DCDC1: variants seen among roughly 807,000 people sequenced by gnomAD.
DCDC1 encodes doublecortin domain-containing protein 1.
A neutral mutation model predicts 178.3 loss-of-function variants in DCDC1; 200 were observed. The observed-to-expected ratio is 1.12, with a 90% CI of 1.00 to 1.26. The LOEUF (loss-of-function observed/expected upper bound fraction) is 1.26, where lower values mean the gene tolerates loss of function less well. Ranked by LOEUF, DCDC1 falls within the 50% of genes most tolerant of loss-of-function variation. DCDC1 has a pLI of 0.00. For synonymous variants in DCDC1, 690 were observed against 604.8 expected (o/e 1.14, Z -2.07); for missense variants, 1,983 against 1,749.2 (o/e 1.13, Z -2.38).
rs772860080 is a variant in DCDC1, at chr11:31,064,494, T to A, written c.2566A>T (p.Lys856Ter). Reference sequence around the variant, plus strand: ...CTCTGAGCAGAAGCCTTAGGATGTTTCTCTTCCAGTTTCCTCACCAGTGCT... The same window carrying A: ...CTCTGAGCAGAAGCCTTAGGATGTTACTCTTCCAGTTTCCTCACCAGTGCT... ...TVALVRKLEEKHPKASAQRWA... is the reference protein window; with the variant it reads ...TVALVRKLEE The change falls in exon 20 of 39, where the codon AAA (lysine) becomes TAA (stop). Residue 856 changes from lysine to a stop codon, truncating the protein, a stop_gained. Coordinates refer to ENST00000684477, the MANE Select transcript of DCDC1 (RefSeq NM_001387274.1). LOFTEE classifies it high-confidence loss of function. 1.3e-6 allele frequency: 1 copy of A among 765,806 alleles called. No homozygotes were observed. The highest frequency in any genetic ancestry group is 1.3e-5 in the South Asian group (1 of 74,592). 47.4% of individuals were successfully genotyped at this position (765,806 alleles called of 1,614,324 possible). A position where few individuals can be genotyped will look rare whatever the true frequency, so the allele number is the denominator to read the frequency against.
At chr11:30,941,141 AC>A (rs1443952158) in intron 21 of DCDC1, among the ~76,000 whole-genome samples, 4 of 151,922 alleles carry the variant, frequency 2.6e-5, no homozygotes. Context: ...ACTTTTCATC[AC>A]CTCCATTCCT....
chr11:30,917,016 T>TA lies in DCDC1; in HGVS notation c.3305dup (p.Arg1103LysfsTer23), dbSNP rs1457988018. 6.9e-6 allele frequency: 11 copies of TA among 1,600,472 alleles called. No individual in the cohort carries two copies. Among genetic ancestry groups the TA allele is most frequent in the Non-Finnish European group, 9.4e-6 (11 of 1,175,334 alleles). ...AAGCCTTCATTCGAAGATGAGCTCT[T>TA]ACGTGTGAATCTCTATCAAGGTTCA... On this transcript the variant is annotated frameshift_variant, in exon 26 of 39. Transcript: ENST00000684477. LOFTEE classifies it high-confidence loss of function.
chr11:30,925,455 A>G (rs1166660395), intron 22 of DCDC1, 47 bp from the exon 23 acceptor site: 4 of 1,518,470 alleles, frequency 2.6e-6, no homozygotes, highest in Non-Finnish European at 3.6e-6. Context: ...GAAAGCTTCC[A>G]GCAGCAAAGA....
chr11:31,034,252 A>G (rs1404903887), intron 20 of DCDC1, among the ~76,000 whole-genome samples: 1 of 151,838 alleles, frequency 6.6e-6, no homozygotes, highest in Non-Finnish European at 1.5e-5. Flanking sequence ...TAAACTGAGA[A>G]TTATTATAAA....
At chr11:30,963,533 G>A (rs1288542467) in intron 20 of DCDC1, among the ~76,000 whole-genome samples, 1 of 152,014 alleles carries the variant, frequency 6.6e-6, no homozygotes, top group Non-Finnish European at 1.5e-5. Context: ...TGGATATGAT[G>A]GGCACCACTC....
intron 7 of DCDC1, among the ~76,000 whole-genome samples, chr11:31,279,406 A>G (rs1357544111): frequency 1.3e-5 from 2 of 152,166 alleles, no homozygotes; most frequent in African/African-American, 2.4e-5. Context: ...TAGATTGTAA[A>G]GAGTTCAAGA....
chr11:31,108,273 C>T (rs1958983057), intron 12 of DCDC1, among the ~76,000 whole-genome samples: 1 of 152,092 alleles, frequency 6.6e-6, no homozygotes, highest in African/African-American at 2.4e-5. Flanking sequence ...TAGCCAATTC[C>T]TTTGAATTAA....
At chr11:30,932,935 A>G (rs1469331723) in intron 21 of DCDC1, among the ~76,000 whole-genome samples, 1 of 151,980 alleles carries the variant, frequency 6.6e-6, no homozygotes, top group Non-Finnish European at 1.5e-5. Flanking sequence ...AGAAGAGTAA[A>G]TGCAGGAAGG....
At chr11:31,168,807 T>C (rs1234655110) in intron 9 of DCDC1, among the ~76,000 whole-genome samples, 1 of 152,046 alleles carries the variant, frequency 6.6e-6, no homozygotes, top group African/African-American at 2.4e-5. Context: ...TGTGTGTGAA[T>C]TAACACACTG....
intron 7 of DCDC1, among the ~76,000 whole-genome samples, chr11:31,287,909 T>G (rs913309251): frequency 7.3e-5 from 11 of 151,022 alleles, no homozygotes; most frequent in South Asian, 2.1e-4. Flanking sequence ...GGACAGCGTT[T>G]TTTTTTTTTT....
At chr11:31,215,359 T>G (rs994856559) in intron 9 of DCDC1, 1 of 152,790 alleles carries the variant, frequency 6.5e-6, no homozygotes, top group South Asian at 2.0e-4. Flanking sequence ...TTATGACATG[T>G]GTATGTGTAG....
intron 31 of DCDC1, chr11:30,904,734 CA>C: frequency 1.8e-6 from 1 of 568,256 alleles, no homozygotes; most frequent in Non-Finnish European, 3.1e-6. Flanking sequence ...GCTCTAGAGC[CA>C]ATCTAAAAAC....
chr11:31,135,587 T>A (rs1963025390), intron 10 of DCDC1, among the ~76,000 whole-genome samples: 1 of 152,164 alleles, frequency 6.6e-6, no homozygotes, highest in Admixed American at 6.5e-5. Context: ...ACAGAAATTA[T>A]CTTCAGAGGC....
At chr11:30,913,687 C>A (rs552808534) in intron 27 of DCDC1, among the ~76,000 whole-genome samples, 2 of 152,338 alleles carry the variant, frequency 1.3e-5, no homozygotes, top group Admixed American at 1.3e-4. Context: ...TCCTTCTCTT[C>A]TGTGTTATAC....
chr11:31,273,079 A>G (rs1036497467), intron 7 of DCDC1, among the ~76,000 whole-genome samples: 1 of 151,952 alleles, frequency 6.6e-6, no homozygotes, highest in Non-Finnish European at 1.5e-5. Flanking sequence ...CCCACGAACC[A>G]TTTTTTCCTC....
intron 8 of DCDC1, among the ~76,000 whole-genome samples, chr11:31,257,707 CACACACACACACAT>C (rs1430469201): frequency 1.3e-4 from 20 of 151,806 alleles, no homozygotes; most frequent in South Asian, 6.2e-4. Flanking sequence ...CACACACACA[CACACACACACACAT>C]ACACACACAC....
At chr11:31,058,533 T>A (rs1955730631) in intron 20 of DCDC1, among the ~76,000 whole-genome samples, 1 of 152,004 alleles carries the variant, frequency 6.6e-6, no homozygotes, top group Non-Finnish European at 1.5e-5. Flanking sequence ...ATGCCTTGTA[T>A]CTCAGAAAAG....
At chr11:30,988,465 G>C (rs1012506974) in intron 20 of DCDC1, among the ~76,000 whole-genome samples, 2 of 151,946 alleles carry the variant, frequency 1.3e-5, no homozygotes, top group African/African-American at 4.8e-5. Context: ...GAGTAAGTTT[G>C]GGAAAGGAAA....
chr11:31,211,165 C>T (rs573780153), intron 9 of DCDC1, among the ~76,000 whole-genome samples: 102 of 152,314 alleles, frequency 6.7e-4, no homozygotes, highest in Middle Eastern at 3.4e-3. Context: ...CTTTAGCAAT[C>T]AGACTGAGCT....
Sources: gnomAD v4.1 joint callset for allele counts (sites outside exome capture counted in the v4.1 genomes callset) on GRCh38, gnomAD v4.1.1 for gene constraint, MANE v1.5 for transcripts, NCBI Gene and HGNC (gene_info 2026-07-23, HGNC 2026-07-21) for gene names.